GSE1: variants seen among roughly 807,000 people sequenced by gnomAD.
The protein encoded by GSE1 is Gse1 coiled-coil protein.
In GSE1, 32 loss-of-function variants were observed where a neutral mutation model predicts 112.6. The observed-to-expected ratio is 0.28, with a 90% confidence interval of 0.21 to 0.38. The LOEUF (loss-of-function observed/expected upper bound fraction) is 0.38, where lower values mean the gene tolerates loss of function less well. Ranked by LOEUF, GSE1 falls within the 10% of genes least tolerant of loss-of-function variation. The probability of loss-of-function intolerance (pLI) is 1.00; values close to 1 mark genes in which losing one functional copy is unlikely to be tolerated. For missense variants in GSE1, 2,348 were observed against 1,699.2 expected (o/e 1.38, Z -6.71); for synonymous variants, 1,115 against 735.6 (o/e 1.52, Z -8.35).
chr16:85,545,989 G>A (rs1450337230), intron 2 of GSE1, among the ~76,000 whole-genome samples: 1 of 152,220 alleles, frequency 6.6e-6, no homozygotes, highest in Non-Finnish European at 1.5e-5. Flanking sequence ...GTTTCACTGT[G>A]TTAGCCAGGA....
At chr16:85,660,845 T>G (rs1394392628) in intron 8 of GSE1, among the ~76,000 whole-genome samples, 1 of 152,116 alleles carries the variant, frequency 6.6e-6, no homozygotes, top group Non-Finnish European at 1.5e-5. Context: ...TTGGCCAGGC[T>G]GGTCTCAAAC....
chr16:85,636,794 A>G (rs2050038832), intron 2 of GSE1, among the ~76,000 whole-genome samples: 1 of 152,098 alleles, frequency 6.6e-6, no homozygotes, highest in African/African-American at 2.4e-5. Flanking sequence ...CTGCCAGTGG[A>G]GCAGGGAGCT....
chr16:85,663,174 G>C (rs1170886392), intron 10 of GSE1, 81 bp downstream of exon 10: 7 of 1,245,650 alleles, frequency 5.6e-6, no homozygotes, highest in African/African-American at 1.5e-5. Flanking sequence ...CCACCCCACT[G>C]TTGCTAGGTT....
intron 1 of GSE1, among the ~76,000 whole-genome samples, chr16:85,242,810 A>G (rs1905267580): frequency 6.6e-6 from 1 of 151,776 alleles, no homozygotes; most frequent in Non-Finnish European, 1.5e-5. Context: ...ATTAAATTAA[A>G]TTAATTAATT....
chr16:85,615,029 G>C (rs1213871940), intron 1 of GSE1, among the ~76,000 whole-genome samples: 2 of 152,210 alleles, frequency 1.3e-5, no homozygotes, highest in South Asian at 4.1e-4. Context: ...CTGGGATTCC[G>C]TGCTCCCGCC....
At chr16:85,492,134 C>G (rs992079471) in intron 2 of GSE1, among the ~76,000 whole-genome samples, 30 of 152,238 alleles carry the variant, frequency 2.0e-4, no homozygotes, top group African/African-American at 6.3e-4. Flanking sequence ...GCCGGAGCCT[C>G]CGGTTGACTT....
upstream of GSE1, among the ~76,000 whole-genome samples, chr16:85,609,649 G>C (rs1371881916): frequency 1.3e-5 from 2 of 152,018 alleles, no homozygotes; most frequent in African/African-American, 4.8e-5. Context: ...GAGATGGAAA[G>C]CTTTCTTTTT....
chr16:85,264,675 G>T (rs1157664894), intron 1 of GSE1, among the ~76,000 whole-genome samples: 2 of 152,180 alleles, frequency 1.3e-5, no homozygotes, highest in Admixed American at 6.5e-5. Context: ...CCTGGTGCTT[G>T]TCGCAGCTCA....
chr16:85,639,809 G>C (rs1397195305), intron 2 of GSE1, among the ~76,000 whole-genome samples: 2 of 152,242 alleles, frequency 1.3e-5, no homozygotes, highest in African/African-American at 4.8e-5. Context: ...CGCAAGCTGT[G>C]TGGCATCTGC....
At chr16:85,650,886 G>A (rs913273120) in intron 3 of GSE1, among the ~76,000 whole-genome samples, 1 of 152,068 alleles carries the variant, frequency 6.6e-6, no homozygotes, top group Non-Finnish European at 1.5e-5. Context: ...CCCCTTCTCG[G>A]GGTCACCCCT....
intron 7 of GSE1, 75 bp from the exon 8 acceptor site, chr16:85,657,202 G>T: frequency 9.7e-7 from 1 of 1,027,634 alleles, no homozygotes. Context: ...CTGGGCAGTT[G>T]GGTGAGAGAG....
At chr16:85,288,109 G>A (rs970936443) in intron 1 of GSE1, among the ~76,000 whole-genome samples, 8 of 152,188 alleles carry the variant, frequency 5.3e-5, no homozygotes, top group Admixed American at 1.3e-4. Flanking sequence ...ATGTGGTGGC[G>A]TGCACCTGTA....
intron 1 of GSE1, among the ~76,000 whole-genome samples, chr16:85,588,478 G>A (rs2046813455): frequency 6.6e-6 from 1 of 152,202 alleles, no homozygotes; most frequent in Non-Finnish European, 1.5e-5. Context: ...GTCAATTAAT[G>A]CTGAATCTGT....
chr16:85,673,425 T>C lies in GSE1; in HGVS notation c.*886T>C, dbSNP rs1374723141. ...TTTTAATATGTGGTTTGGGGGATTTTTGTTTGTTTTTCCTGTTTGGGGGTT... is the reference window on the plus strand; with the variant it reads ...TTTTAATATGTGGTTTGGGGGATTTCTGTTTGTTTTTCCTGTTTGGGGGTT... On this transcript the variant is annotated 3_prime_UTR_variant, in exon 16 of 16. Transcript: ENST00000253458. 1 of 152,450 alleles carries C rather than the reference T, an allele frequency of 6.6e-6. No homozygotes were observed. Among genetic ancestry groups the C allele is most frequent in the Non-Finnish European group, 1.5e-5 (1 of 68,006 alleles). 9.4% of individuals were successfully genotyped at this position (152,450 alleles called of 1,614,324 possible).
chr16:85,276,900 A>T (rs1484004446), intron 1 of GSE1, among the ~76,000 whole-genome samples: 2 of 152,120 alleles, frequency 1.3e-5, no homozygotes, highest in African/African-American at 4.8e-5. Context: ...AGAACCCCCA[A>T]GGCCGGGCTC....
intron 2 of GSE1, among the ~76,000 whole-genome samples, chr16:85,425,323 A>ATGTGAGGTGGTAACG (rs1180678596): frequency 6.6e-6 from 1 of 151,754 alleles, no homozygotes; most frequent in Non-Finnish European, 1.5e-5. Flanking sequence ...AGGTGGTGAC[A>ATGTGAGGTGGTAACG]GCAGGAAGCA....
At chr16:85,460,084 C>CAAGGACACGAT (rs1455795586) in intron 2 of GSE1, among the ~76,000 whole-genome samples, 1 of 152,206 alleles carries the variant, frequency 6.6e-6, no homozygotes, top group African/African-American at 2.4e-5. Flanking sequence ...CTCCGATGAG[C>CAAGGACACGAT]AAGGACACGA....
In GSE1 at chr16:85,673,128, C is replaced by G. The variant is rs983507512; in HGVS notation, c.*589C>G. On this transcript the variant is annotated 3_prime_UTR_variant, in exon 16 of 16. Coordinates refer to ENST00000253458, the MANE Select transcript of GSE1 (RefSeq NM_014615.5). ...CACAAAGCAACCCAAAGGCTTTTCC[C>G]TGGAAAAGCTCTTTCTTACCTAAAG... is the stretch of plus-strand genomic sequence containing the variant. The G allele has an allele frequency of 3.9e-5, 6 of 152,298 alleles. No individual in the cohort carries two copies. Among genetic ancestry groups the G allele is most frequent in the African/African-American group, 9.7e-5 (4 of 41,416 alleles). 9.4% of individuals were successfully genotyped at this position (152,298 alleles called of 1,614,324 possible).
intron 2 of GSE1, among the ~76,000 whole-genome samples, chr16:85,427,625 G>C (rs1479881263): frequency 6.6e-6 from 1 of 152,110 alleles, no homozygotes; most frequent in African/African-American, 2.4e-5. Flanking sequence ...CTGGGCGACA[G>C]AGCAGCACTC....
Sources: gnomAD v4.1 joint callset for allele counts (sites outside exome capture counted in the v4.1 genomes callset) on GRCh38, gnomAD v4.1.1 for gene constraint, MANE v1.5 for transcripts, NCBI Gene and HGNC (gene_info 2026-07-23, HGNC 2026-07-21) for gene names.